CTPS2: variants seen among roughly 807,000 people sequenced by gnomAD.
CTPS2 encodes CTP synthase 2.
A neutral mutation model predicts 46.8 loss-of-function variants in CTPS2; 19 were observed. The observed-to-expected ratio is 0.41, with a 90% CI of 0.28 to 0.60. The LOEUF (loss-of-function observed/expected upper bound fraction) is 0.60, where lower values mean the gene tolerates loss of function less well. Among genes scored for constraint, CTPS2 ranks in the 20% least tolerant of loss-of-function variants. The pLI, the probability that CTPS2 is intolerant of heterozygous loss-of-function variation, is 0.35. For missense variants in CTPS2, 286 were observed against 447.6 expected, an observed-to-expected ratio of 0.64 and a Z score of 3.26; for synonymous variants, 151 against 165.2, an observed-to-expected ratio of 0.91 and a Z score of 0.66.
chrX:16,593,316 C>A (rs1330479367), intron 17 of CTPS2, among the ~76,000 whole-genome samples: 1 of 107,411 alleles, frequency 9.3e-6, no homozygotes, highest in African/African-American at 3.4e-5. Context: ...GTAGTCCCAG[C>A]TACTCGGGAG....
chrX:16,652,836 T>C lies in CTPS2; in HGVS notation c.1297-13593A>G, dbSNP rs115693983. Among the ~76,000 whole-genome samples, 787 of 111,832 alleles carry C rather than the reference T, an allele frequency of 7.0e-3. 9 individuals are homozygous for C. The highest frequency in any genetic ancestry group is 0.024 in the African/African-American group (752 of 30,833). ...CACCATACTCTGTTTACATATATCATCACCATGCATGGTTTAGAATCTAGT... is the reference window on the plus strand; with the variant it reads ...CACCATACTCTGTTTACATATATCACCACCATGCATGGTTTAGAATCTAGT... On this transcript the variant is annotated intron_variant, in intron 13 of 18. Coordinates refer to ENST00000359276, the MANE Select transcript of CTPS2 (RefSeq NM_175859.3).
chrX:16,607,430 G>A (rs1930035464), intron 17 of CTPS2, among the ~76,000 whole-genome samples: 1 of 112,593 alleles, frequency 8.9e-6, no homozygotes. Context: ...GAGCTGCTCA[G>A]CTGAAGCAGG....
At chrX:16,653,973 A>G (rs943495068) in intron 13 of CTPS2, among the ~76,000 whole-genome samples, 3 of 110,964 alleles carry the variant, frequency 2.7e-5, no homozygotes, top group Non-Finnish European at 5.7e-5. Context: ...GCCTCATGTA[A>G]TATGTCAGCC....
intron 8 of CTPS2, among the ~76,000 whole-genome samples, chrX:16,685,803 C>T (rs747551146): frequency 2.0e-5 from 2 of 98,865 alleles, no homozygotes; most frequent in South Asian, 5.3e-4. Context: ...GGAGGCAGAG[C>T]TTGCAGTGAG....
intron 16 of CTPS2, among the ~76,000 whole-genome samples, chrX:16,614,734 C>A (rs1305967983): frequency 9.1e-6 from 1 of 109,664 alleles, no homozygotes; most frequent in Non-Finnish European, 1.9e-5. Flanking sequence ...TGGCAAAACC[C>A]TGCCGCTACA....
At chrX:16,612,666 G>A (rs1930320286) in intron 16 of CTPS2, among the ~76,000 whole-genome samples, 2 of 111,918 alleles carry the variant, frequency 1.8e-5, no homozygotes, top group African/African-American at 6.5e-5. Flanking sequence ...CTGGAAATGC[G>A]TACTTACTAT....
chrX:16,634,920 G>A (rs758737888), intron 14 of CTPS2, among the ~76,000 whole-genome samples: 4 of 105,889 alleles, frequency 3.8e-5, no homozygotes, highest in Non-Finnish European at 7.8e-5. Flanking sequence ...CTGCACTCCA[G>A]CCTGGGTGAC....
At chrX:16,682,976 T>C in intron 9 of CTPS2, 118 bp downstream of exon 9, 1 of 755,463 alleles carries the variant, frequency 1.3e-6, no homozygotes, top group Non-Finnish European at 2.0e-6. Context: ...TGAGTTCTTC[T>C]GGTGAATCGT....
intron 13 of CTPS2, among the ~76,000 whole-genome samples, chrX:16,657,813 G>A (rs1932855351): frequency 9.0e-6 from 1 of 111,674 alleles, no homozygotes; most frequent in African/African-American, 3.3e-5. Context: ...GTATACTTGT[G>A]GAGATTTGGG....
rs778458483 is a variant in CTPS2, at chrX:16,686,576, G to C, written c.872+2874C>G. 9.8e-5 allele frequency among the ~76,000 whole-genome samples: 11 copies of C among 112,383 alleles called. 1 individual carries two copies. In the South Asian group the frequency reaches 3.7e-3, roughly 37 times the overall value. On this transcript the variant is annotated intron_variant, in intron 8 of 18. Transcript: ENST00000359276. ...CTTACAAAAGAAGAGAAGGGAAGAAGACACAAGTGAGAAGGTGATGTGAAG... is the reference window on the plus strand; with the variant it reads ...CTTACAAAAGAAGAGAAGGGAAGAACACACAAGTGAGAAGGTGATGTGAAG...
intron 4 of CTPS2, among the ~76,000 whole-genome samples, chrX:16,694,859 C>T (rs946255847): frequency 1.1e-4 from 12 of 111,598 alleles, no homozygotes; most frequent in African/African-American, 3.9e-4. Flanking sequence ...CTGGGCATGG[C>T]GGCACGGCGC....
chrX:16,608,366 T>G (rs1483754948), intron 17 of CTPS2, among the ~76,000 whole-genome samples: 1 of 110,556 alleles, frequency 9.0e-6, no homozygotes, highest in African/African-American at 3.3e-5. Flanking sequence ...GCAGGAGGAT[T>G]GCTTGAGGTC....
intron 13 of CTPS2, among the ~76,000 whole-genome samples, chrX:16,657,132 C>T (rs760199501): frequency 7.4e-4 from 81 of 108,974 alleles, no homozygotes; most frequent in African/African-American, 2.6e-3. Flanking sequence ...TCAAGCAATC[C>T]ACCCACCTTC....
chrX:16,672,578 G>A (rs190100679), intron 10 of CTPS2, among the ~76,000 whole-genome samples: 2 of 111,617 alleles, frequency 1.8e-5, no homozygotes, highest in African/African-American at 3.3e-5. Context: ...TTGGGTGCTA[G>A]GCAGAGTGGC....
chrX:16,651,219 G>A, intron 13 of CTPS2: 4 of 951,249 alleles, frequency 4.2e-6, no homozygotes, highest in South Asian at 2.2e-5. Context: ...GACTCCGGTA[G>A]AGCCTTATAG....
At chrX:16,605,461 C>T (rs112754184) in intron 17 of CTPS2, among the ~76,000 whole-genome samples, 1,452 of 111,944 alleles carry the variant, frequency 0.013, 19 homozygotes, top group African/African-American at 0.044. Context: ...GTGGCTCACA[C>T]CTGTAATCCC....
At chrX:16,663,929 G>A (rs1933059314) in intron 13 of CTPS2, among the ~76,000 whole-genome samples, 1 of 110,824 alleles carries the variant, frequency 9.0e-6, no homozygotes, top group Admixed American at 9.6e-5. Context: ...TCTGCCTCCT[G>A]GGTTCACGCC....
intron 11 of CTPS2, 149 bp downstream of exon 11, chrX:16,670,431 T>G (rs777954688): frequency 2.4e-6 from 1 of 413,031 alleles, no homozygotes; most frequent in South Asian, 5.7e-5. Context: ...ATTTAGAATA[T>G]AGTTTGTTGA....
chrX:16,681,578 A>G (rs1455242861), intron 9 of CTPS2, among the ~76,000 whole-genome samples: 1 of 111,542 alleles, frequency 9.0e-6, no homozygotes, highest in Non-Finnish European at 1.9e-5. Context: ...CAGGGTCTCA[A>G]TCTGTCACCC....
Sources: allele counts gnomAD v4.1 joint callset (sites outside exome capture counted in the v4.1 genomes callset), GRCh38; gene constraint gnomAD v4.1.1; transcripts MANE v1.5; gene names NCBI Gene and HGNC (gene_info 2026-07-23, HGNC 2026-07-21).